FTO: variants seen among roughly 807,000 people sequenced by gnomAD.
The protein encoded by FTO is FTO alpha-ketoglutarate dependent dioxygenase.
In FTO, 47 loss-of-function variants were observed where a neutral mutation model predicts 63.9. The ratio of observed to expected loss-of-function variants is 0.74; its 90% confidence interval spans 0.58 to 0.94. The LOEUF (loss-of-function observed/expected upper bound fraction) is 0.94. FTO is among the 40% of genes least tolerant of loss of function. The pLI is 0.00. For missense variants in FTO, 562 were observed against 618.1 expected, an observed-to-expected ratio of 0.91 and a Z score of 0.96; for synonymous variants, 207 against 224.4, an observed-to-expected ratio of 0.92 and a Z score of 0.69.
intron 8 of FTO, among the ~76,000 whole-genome samples, chr16:54,031,170 A>G (rs1410280296): frequency 6.6e-6 from 1 of 152,204 alleles, no homozygotes; most frequent in African/African-American, 2.4e-5. Context: ...AGCAAGTTCC[A>G]AATATGATGA....
chr16:54,029,165 T>C (rs895186321), intron 8 of FTO, among the ~76,000 whole-genome samples: 13 of 152,204 alleles, frequency 8.5e-5, no homozygotes, highest in Non-Finnish European at 1.3e-4. Context: ...AAAACTCATT[T>C]AGGCTGTTAG....
At chr16:53,713,652 T>C (rs533157506) in intron 1 of FTO, among the ~76,000 whole-genome samples, 2 of 152,318 alleles carry the variant, frequency 1.3e-5, no homozygotes, top group South Asian at 4.1e-4. Flanking sequence ...GCATGCTCTT[T>C]GTTAAGCCAT....
intron 7 of FTO, among the ~76,000 whole-genome samples, chr16:53,918,363 G>A (rs1045905014): frequency 1.3e-5 from 2 of 152,150 alleles, no homozygotes; most frequent in Non-Finnish European, 2.9e-5. Context: ...CACACTGTAG[G>A]CAACTGTGAC....
intron 1 of FTO, among the ~76,000 whole-genome samples, chr16:53,782,355 G>T (rs1019916431): frequency 1.3e-5 from 2 of 152,210 alleles, no homozygotes; most frequent in African/African-American, 4.8e-5. Context: ...GTTGCCCACT[G>T]TGGCAATCAA....
intron 8 of FTO, among the ~76,000 whole-genome samples, chr16:54,085,907 TG>T (rs1406933260): frequency 6.6e-6 from 1 of 152,156 alleles, no homozygotes; most frequent in Non-Finnish European, 1.5e-5. Flanking sequence ...CTTGGACAAA[TG>T]ATGCCTTCAG....
chr16:54,063,932 C>G (rs553471138), intron 8 of FTO: 1 of 151,924 alleles, frequency 6.6e-6, no homozygotes, highest in Non-Finnish European at 1.5e-5. Flanking sequence ...CTTCTTCTGA[C>G]TGCTTTTAAG....
intron 7 of FTO, among the ~76,000 whole-genome samples, chr16:53,891,830 C>T (rs761950102): frequency 6.6e-6 from 1 of 152,052 alleles, no homozygotes. Context: ...TTTGTTTTGT[C>T]GCTCTTGTAT....
chr16:53,809,779 T>C (rs1227640550), intron 1 of FTO, among the ~76,000 whole-genome samples: 1 of 151,782 alleles, frequency 6.6e-6, no homozygotes, highest in Non-Finnish European at 1.5e-5. Flanking sequence ...TTGTCCCTAC[T>C]AAAAATAAAG....
chr16:53,719,827 G>A (rs1409088938), intron 1 of FTO, among the ~76,000 whole-genome samples: 1 of 151,742 alleles, frequency 6.6e-6, no homozygotes, highest in East Asian at 1.9e-4. Context: ...TCTTAAAATA[G>A]TTTTATCTTT....
intron 1 of FTO, among the ~76,000 whole-genome samples, chr16:53,766,774 C>G (rs917866693): frequency 6.6e-6 from 1 of 152,100 alleles, no homozygotes; most frequent in African/African-American, 2.4e-5. Context: ...CATTGTTGTT[C>G]TTTAGGTTGT....
chr16:53,712,976 C>G (rs1489450719), intron 1 of FTO, among the ~76,000 whole-genome samples: 1 of 150,432 alleles, frequency 6.6e-6, no homozygotes, highest in African/African-American at 2.4e-5. Context: ...TTGTCATTCA[C>G]CATTTTATCC....
chr16:54,036,153 A>G (rs1434873582), intron 8 of FTO, among the ~76,000 whole-genome samples: 1 of 152,230 alleles, frequency 6.6e-6, no homozygotes, highest in Non-Finnish European at 1.5e-5. Flanking sequence ...CAAAGCACAA[A>G]AAAAGCTCAT....
chr16:53,978,223 G>A (rs1269183180), intron 8 of FTO, among the ~76,000 whole-genome samples: 1 of 151,978 alleles, frequency 6.6e-6, no homozygotes, highest in Non-Finnish European at 1.5e-5. Flanking sequence ...TCTTAACATG[G>A]CACACCAAAT....
chr16:54,008,949 T>C (rs1599195138), intron 8 of FTO, among the ~76,000 whole-genome samples: 1 of 151,808 alleles, frequency 6.6e-6, no homozygotes, highest in Admixed American at 6.6e-5. Flanking sequence ...GAGTTCGAGG[T>C]TGCAGTGAGC....
At chr16:53,870,950 G>GTAGAATGTATGT in intron 4 of FTO, among the ~76,000 whole-genome samples, 1 of 152,072 alleles carries the variant, frequency 6.6e-6, no homozygotes, top group Non-Finnish European at 1.5e-5. Context: ...TAGAATAGTA[G>GTAGAATGTATGT]ATTGACAGTT....
rs189243200 is a variant in FTO, at chr16:53,884,025, G to A, written c.1119+4038G>A. On this transcript the variant is annotated intron_variant, in intron 6 of 8. Coordinates refer to ENST00000471389, the MANE Select transcript of FTO (RefSeq NM_001080432.3). ...TGCTTGCCTCTTTCTGCAAGGCCATGTGTCTTTTCTGGACAAATCACAGGA... is the reference window on the plus strand; with the variant it reads ...TGCTTGCCTCTTTCTGCAAGGCCATATGTCTTTTCTGGACAAATCACAGGA... 8.9e-3 allele frequency among the ~76,000 whole-genome samples: 1,348 copies of A among 152,276 alleles called. 8 individuals are homozygous for A. Among genetic ancestry groups the A allele is most frequent in the Non-Finnish European group, 0.015 (1,053 of 68,016 alleles).
At chr16:53,818,396 A>G (rs190005533) in intron 2 of FTO, among the ~76,000 whole-genome samples, 53 of 152,264 alleles carry the variant, frequency 3.5e-4, no homozygotes, top group Admixed American at 5.9e-4. Flanking sequence ...TTTAAATAGT[A>G]CCAGAAGTTC....
chr16:54,060,218 C>T (rs8049933), intron 8 of FTO, among the ~76,000 whole-genome samples: 28,569 of 152,088 alleles, frequency 0.19, 4,406 homozygotes, highest in African/African-American at 0.42. Flanking sequence ...TCTGCCCAAT[C>T]GGTGGACTAC....
At chr16:54,111,047 A>G (rs2086872281) in intron 8 of FTO, among the ~76,000 whole-genome samples, 2 of 152,326 alleles carry the variant, frequency 1.3e-5, no homozygotes, top group South Asian at 2.1e-4. Context: ...TTAGCTTCAT[A>G]TGATAATTAA....
Sources: gnomAD v4.1 joint callset for allele counts (sites outside exome capture counted in the v4.1 genomes callset) on GRCh38, gnomAD v4.1.1 for gene constraint, MANE v1.5 for transcripts, NCBI Gene and HGNC (gene_info 2026-07-23, HGNC 2026-07-21) for gene names.